Variants in PLCB1 observed in about 807,000 individuals in gnomAD.
The protein encoded by PLCB1 is 1-phosphatidylinositol 4,5-bisphosphate phosphodiesterase beta-1.
Under a neutral mutation model 161.8 loss-of-function variants are expected in PLCB1, and 46 were observed. The ratio of observed to expected loss-of-function variants is 0.28; its 90% CI spans 0.22 to 0.36. The LOEUF (loss-of-function observed/expected upper bound fraction) is 0.36, where lower values mean the gene tolerates loss of function less well. Ranked by LOEUF, PLCB1 falls within the 10% of genes least tolerant of loss-of-function variation. PLCB1 has a pLI of 1.00. For missense variants in PLCB1, 1,016 were observed against 1,472.5 expected (o/e 0.69, Z 5.07); for synonymous variants, 517 against 503.7 (o/e 1.03, Z -0.35).
chr20:8,825,961 G>C (rs958366210), intron 31 of PLCB1, among the ~76,000 whole-genome samples: 16 of 152,156 alleles, frequency 1.1e-4, no homozygotes, highest in Non-Finnish European at 2.4e-4. Context: ...GCAACTGAGT[G>C]GATTTTGACT....
chr20:8,623,835 C>T (rs1470173742), intron 3 of PLCB1: 2 of 152,124 alleles, frequency 1.3e-5, no homozygotes, highest in African/African-American at 4.8e-5. Context: ...CTGTGTGAGC[C>T]GCCTAAGCCA....
Position 8,146,068 on chromosome 20 carries a change from G to C in PLCB1, c.100-4226G>C, listed in dbSNP as rs554249275. ...CAAGGAAACGAAAAGTGGTTTTGGG[G>C]AACAAAAGAAATCTTCTTACTGTTT... On this transcript the variant is annotated intron_variant, in intron 1 of 31. Transcript: ENST00000338037. 9.2e-4 allele frequency among the ~76,000 whole-genome samples: 138 copies of C among 149,946 alleles called. 1 individual carries two copies. The highest frequency in any genetic ancestry group is 3.3e-3 in the African/African-American group (135 of 40,680).
rs147162269 is a variant in PLCB1 at position 8,697,059 on chromosome 20, C to T, written c.1010-567C>T. On this transcript the variant is annotated intron_variant, in intron 10 of 31. Coordinates refer to ENST00000338037, the MANE Select transcript of PLCB1 (RefSeq NM_015192.4). Reference sequence around the variant, plus strand: ...TAAATTTATTTTTTTTTAAAGAGCACTTTTAAAAACAGAATGTTTAGCTTT... The same window carrying T: ...TAAATTTATTTTTTTTTAAAGAGCATTTTTAAAAACAGAATGTTTAGCTTT... 3.4e-3 allele frequency among the ~76,000 whole-genome samples: 525 copies of T among 152,194 alleles called. 3 individuals carry two copies. The highest frequency in any genetic ancestry group is 0.012 in the African/African-American group (496 of 41,508).
intron 3 of PLCB1, among the ~76,000 whole-genome samples, chr20:8,424,948 C>A (rs573415253): frequency 1.3e-5 from 2 of 152,086 alleles, no homozygotes; most frequent in Non-Finnish European, 2.9e-5. Flanking sequence ...TCAAATACCC[C>A]CTAGAAGTTT....
chr20:8,183,834 C>T (rs2051872818), intron 2 of PLCB1, among the ~76,000 whole-genome samples: 1 of 152,090 alleles, frequency 6.6e-6, no homozygotes, highest in African/African-American at 2.4e-5. Flanking sequence ...TCAAAGTTAT[C>T]TTATTTGCAG....
intron 18 of PLCB1, among the ~76,000 whole-genome samples, chr20:8,730,716 T>G (rs1980196071): frequency 1.3e-5 from 2 of 151,770 alleles, no homozygotes; most frequent in South Asian, 4.1e-4. Context: ...AGTTTTTCTG[T>G]CACAGGAAAA....
At chr20:8,563,211 A>C (rs889323248) in intron 3 of PLCB1, among the ~76,000 whole-genome samples, 1 of 152,092 alleles carries the variant, frequency 6.6e-6, no homozygotes, top group African/African-American at 2.4e-5. Context: ...TTGCTTAAGA[A>C]TTAGGAGCAA....
intron 3 of PLCB1, among the ~76,000 whole-genome samples, chr20:8,395,924 T>C (rs2122451499): frequency 6.6e-6 from 1 of 152,148 alleles, no homozygotes; most frequent in East Asian, 1.9e-4. Context: ...AACTGTACCA[T>C]GTTATTCTAA....
At chr20:8,626,931 A>G (rs779659954) in intron 3 of PLCB1, among the ~76,000 whole-genome samples, 2 of 152,206 alleles carry the variant, frequency 1.3e-5, no homozygotes, top group Non-Finnish European at 2.9e-5. Flanking sequence ...CGTTAATGGT[A>G]GAGTGCTAAA....
Position 8,881,790 on chromosome 20 carries a change from CCCT to C in PLCB1, c.3595_3597del (p.Ser1200del). ...CCCTGGAAAAGTGAACCACAAGACT[CCCT>C]CCAGTGAGGAGCTGGGAGGAGACAT... On this transcript the variant is annotated inframe_deletion, in exon 32 of 32. Transcript: ENST00000338037. 1 of 1,614,106 alleles carries C rather than the reference CCCT, an allele frequency of 6.2e-7. No individual in the cohort carries two copies. The highest frequency in any genetic ancestry group is 8.5e-7 in the Non-Finnish European group (1 of 1,179,990).
intron 2 of PLCB1, among the ~76,000 whole-genome samples, chr20:8,362,568 G>A (rs916107976): frequency 2.6e-5 from 4 of 152,162 alleles, no homozygotes; most frequent in Non-Finnish European, 5.9e-5. Context: ...AACTTTGGAA[G>A]TGTTTTACTC....
intron 2 of PLCB1, among the ~76,000 whole-genome samples, chr20:8,349,031 T>C (rs1378083847): frequency 1.3e-5 from 2 of 152,076 alleles, no homozygotes; most frequent in Non-Finnish European, 2.9e-5. Flanking sequence ...TACATATATA[T>C]ACACACACAC....
intron 3 of PLCB1, among the ~76,000 whole-genome samples, chr20:8,385,552 C>T (rs1301170067): frequency 6.6e-6 from 1 of 152,220 alleles, no homozygotes; most frequent in African/African-American, 2.4e-5. Flanking sequence ...GTGGCCCCTC[C>T]CCCTGGGAAC....
At chr20:8,708,121 C>G (rs916443783) in intron 11 of PLCB1, among the ~76,000 whole-genome samples, 1 of 152,030 alleles carries the variant, frequency 6.6e-6, no homozygotes, top group African/African-American at 2.4e-5. Flanking sequence ...GCTCGCATGA[C>G]TCTCTGAATA....
chr20:8,438,064 T>A (rs2122601318), intron 3 of PLCB1, among the ~76,000 whole-genome samples: 1 of 152,310 alleles, frequency 6.6e-6, no homozygotes, highest in African/African-American at 2.4e-5. Flanking sequence ...TATATCTTCA[T>A]ATATGAATTT....
At chr20:8,595,707 A>G (rs1181445059) in intron 3 of PLCB1, among the ~76,000 whole-genome samples, 51 of 150,200 alleles carry the variant, frequency 3.4e-4, no homozygotes, top group African/African-American at 1.2e-3. Flanking sequence ...ACTAGTTTAC[A>G]GTCCCACCAA....
intron 2 of PLCB1, among the ~76,000 whole-genome samples, chr20:8,164,428 A>G (rs2123056596): frequency 6.6e-6 from 1 of 152,316 alleles, no homozygotes; most frequent in Admixed American, 6.5e-5. Context: ...GTTTACAGTT[A>G]AGTTTTAATT....
At chr20:8,647,862 A>T (rs200295866) in intron 5 of PLCB1, 38 bp from the exon 6 acceptor site, 34 of 1,570,060 alleles carry the variant, frequency 2.2e-5, no homozygotes, top group Middle Eastern at 1.7e-4. Flanking sequence ...AAGCTTTTTT[A>T]AAAAAATCAA....
chr20:8,627,487 A>G (rs905056608), intron 3 of PLCB1, among the ~76,000 whole-genome samples: 2 of 152,152 alleles, frequency 1.3e-5, no homozygotes, highest in African/African-American at 2.4e-5. Context: ...CTGGCCAGCA[A>G]ATTTGCTAAG....
Sources: gnomAD v4.1 joint callset for allele counts (sites outside exome capture counted in the v4.1 genomes callset) on GRCh38, gnomAD v4.1.1 for gene constraint, MANE v1.5 for transcripts, NCBI Gene and HGNC (gene_info 2026-07-23, HGNC 2026-07-21) for gene names.